Variants in FBXO42 observed in about 807,000 individuals in gnomAD.
FBXO42 encodes the protein F-box only protein 42.
A neutral mutation model predicts 71.7 loss-of-function variants in FBXO42; 12 were observed. That is an observed-to-expected ratio of 0.17 (90% CI 0.11 to 0.27). FBXO42 has a LOEUF of 0.27. Among genes scored for constraint, FBXO42 ranks in the 10% least tolerant of loss-of-function variants. FBXO42 has a pLI of 1.00. For missense variants in FBXO42, 707 were observed against 911.9 expected, an observed-to-expected ratio of 0.78 and a Z score of 2.89; for synonymous variants, 325 against 327.5, an observed-to-expected ratio of 0.99 and a Z score of 0.08.
intron 2 of FBXO42, among the ~76,000 whole-genome samples, chr1:16,306,750 A>C (rs2082255240): frequency 6.6e-6 from 1 of 152,092 alleles, no homozygotes; most frequent in South Asian, 2.1e-4. Context: ...CCCAGGCTGC[A>C]GTGGCATGCA....
At chr1:16,293,984 C>G (rs1424617235) in intron 4 of FBXO42, 1 of 152,152 alleles carries the variant, frequency 6.6e-6, no homozygotes, top group East Asian at 1.9e-4. Flanking sequence ...AAGGCAAGGC[C>G]TAAATAAATA....
At chr1:16,331,997 C>T (rs1016775073) in intron 1 of FBXO42, among the ~76,000 whole-genome samples, 2 of 151,598 alleles carry the variant, frequency 1.3e-5, no homozygotes, top group Non-Finnish European at 1.5e-5. Flanking sequence ...TGTGTTGAGC[C>T]GAGATCGTGC....
chr1:16,350,757 A>AAAAAAAAAAAAAGAAAG, intron 1 of FBXO42, among the ~76,000 whole-genome samples: 1 of 44,248 alleles, frequency 2.3e-5, no homozygotes, highest in Non-Finnish European at 4.1e-5. Flanking sequence ...AAAAAAAAAA[A>AAAAAAAAAAAAAGAAAG]AAAGAAAGAA....
chr1:16,286,535 G>T (rs2082024103), intron 4 of FBXO42, among the ~76,000 whole-genome samples: 1 of 152,172 alleles, frequency 6.6e-6, no homozygotes, highest in African/African-American at 2.4e-5. Context: ...TCCTGCCCTT[G>T]ACACATGGGG....
chr1:16,265,516 TTTA>T (rs1353816093), intron 4 of FBXO42, among the ~76,000 whole-genome samples: 4 of 152,170 alleles, frequency 2.6e-5, no homozygotes, highest in African/African-American at 7.2e-5. Flanking sequence ...AAATTTTATA[TTTA>T]TTATCTAATT....
At chr1:16,281,024 C>T (rs1264411876) in intron 4 of FBXO42, among the ~76,000 whole-genome samples, 2 of 152,068 alleles carry the variant, frequency 1.3e-5, no homozygotes, top group African/African-American at 4.8e-5. Flanking sequence ...TGCAATGACA[C>T]GATTCTCAGC....
Position 16,294,937 on chromosome 1 carries a change from A to C in FBXO42, c.368-20T>G, listed in dbSNP as rs2983160. 1 of 1,569,414 alleles carries C rather than the reference A, an allele frequency of 6.4e-7. No homozygotes were observed. Among genetic ancestry groups the C allele is most frequent in the Non-Finnish European group, 8.7e-7 (1 of 1,155,130 alleles). The stretch of plus-strand genomic sequence containing the variant: ...ATGCACCTAGAAAGAAAATACACAA[A>C]TAACTGCTGTGAAAATTCTGAGGCC... On this transcript the variant is annotated intron_variant, in intron 3 of 9. Transcript: ENST00000375592.
chr1:16,310,895 AC>A (rs2082305637), intron 2 of FBXO42, among the ~76,000 whole-genome samples: 1 of 151,694 alleles, frequency 6.6e-6, no homozygotes, highest in Non-Finnish European at 1.5e-5. Flanking sequence ...AATTGCTTGA[AC>A]CCAGAAGGTG....
intron 1 of FBXO42, among the ~76,000 whole-genome samples, chr1:16,335,728 G>A (rs149397201): frequency 6.1e-4 from 93 of 151,742 alleles, no homozygotes; most frequent in African/African-American, 2.1e-3. Flanking sequence ...TTAGCTGGGC[G>A]TGGTCGTGGG....
At chr1:16,350,757 A>AAAAAAAGAAAGAAAGAAAGAAAGAAAG (rs1553156683) in intron 1 of FBXO42, among the ~76,000 whole-genome samples, 1 of 44,248 alleles carries the variant, frequency 2.3e-5, no homozygotes, top group African/African-American at 8.5e-5. Context: ...AAAAAAAAAA[A>AAAAAAAGAAAGAAAGAAAGAAAGAAAG]AAAGAAAGAA....
At chr1:16,291,330 T>C (rs1169833011) in intron 4 of FBXO42, among the ~76,000 whole-genome samples, 2 of 152,170 alleles carry the variant, frequency 1.3e-5, no homozygotes, top group East Asian at 1.9e-4. Flanking sequence ...TCTTAGGGCA[T>C]CTTACATGGG....
intron 1 of FBXO42, among the ~76,000 whole-genome samples, chr1:16,336,130 G>C (rs1253418697): frequency 6.6e-6 from 1 of 151,230 alleles, no homozygotes; most frequent in African/African-American, 2.4e-5. Context: ...TAGAGATGGG[G>C]TTTCACCATG....
Position 16,309,057 on chromosome 1 carries a change from C to CT in FBXO42, c.251-3139dup, listed in dbSNP as rs58594138. ...CATGCCAGGCCGGGAGACCCCATCT[C>CT]TTTTTTTTTTTTTTTTTTTTTTTTT... On this transcript the variant is annotated intron_variant, in intron 2 of 9. Coordinates refer to ENST00000375592, the MANE Select transcript of FBXO42 (RefSeq NM_018994.3). 1.3e-3 allele frequency among the ~76,000 whole-genome samples: 52 copies of CT among 38,748 alleles called. 3 individuals are homozygous for CT. The highest frequency in any genetic ancestry group is 2.2e-3 in the African/African-American group (18 of 8,332). 25.4% of individuals were successfully genotyped at this position (38,748 alleles called of 152,430 possible).
chr1:16,344,115 A>G (rs1221214677), intron 1 of FBXO42, among the ~76,000 whole-genome samples: 1 of 151,792 alleles, frequency 6.6e-6, no homozygotes, highest in African/African-American at 2.4e-5. Flanking sequence ...CTCCTGCCTC[A>G]GCCTCCCAAG....
Position 16,315,094 on chromosome 1 carries a change from A to C in FBXO42, c.250+75T>G, listed in dbSNP as rs1045457912. On this transcript the variant is annotated intron_variant, in intron 2 of 9. Transcript: ENST00000375592. Reference sequence around the variant, plus strand: ...CATAATACATTTAAGGGAGGAAAAAAACTAAATTTGGAGTCTAAAAATAAA... The same window carrying C: ...CATAATACATTTAAGGGAGGAAAAACACTAAATTTGGAGTCTAAAAATAAA... The C allele has an allele frequency of 1.0e-5, 15 of 1,505,360 alleles. No individual in the cohort carries two copies. The South Asian group carries it at 1.5e-4, about 15-fold the overall frequency. The allele number at this position is 1,505,360 out of a possible 1,614,324, so 93.3% of individuals were successfully genotyped here.
intron 1 of FBXO42, among the ~76,000 whole-genome samples, chr1:16,321,058 A>C (rs1274355951): frequency 1.3e-5 from 2 of 152,236 alleles, no homozygotes; most frequent in East Asian, 3.8e-4. Context: ...TTGATTCAAT[A>C]AAACAACTCA....
chr1:16,323,419 AAAAC>A (rs139214149), intron 1 of FBXO42, among the ~76,000 whole-genome samples: 2,946 of 152,164 alleles, frequency 0.019, 77 homozygotes, highest in African/African-American at 0.067. Flanking sequence ...CTCCGTCTCA[AAAAC>A]AAACAAACAA....
chr1:16,345,110 A>G (rs2082643710), intron 1 of FBXO42, among the ~76,000 whole-genome samples: 1 of 151,742 alleles, frequency 6.6e-6, no homozygotes, highest in African/African-American at 2.4e-5. Flanking sequence ...AAAAAACGAC[A>G]ACAACAAAAA....
intron 1 of FBXO42, among the ~76,000 whole-genome samples, chr1:16,345,874 G>A (rs1382137014): frequency 1.3e-5 from 2 of 150,620 alleles, no homozygotes; most frequent in Admixed American, 1.3e-4. Flanking sequence ...AAGACACCAG[G>A]TCTTCTTAGA....
Sources: gnomAD v4.1 joint callset for allele counts (sites outside exome capture counted in the v4.1 genomes callset) on GRCh38, gnomAD v4.1.1 for gene constraint, MANE v1.5 for transcripts, NCBI Gene and HGNC (gene_info 2026-07-23, HGNC 2026-07-21) for gene names.